SMTNL2: variants seen among roughly 807,000 people sequenced by gnomAD.
The protein encoded by SMTNL2 is smoothelin like 2.
Under a neutral mutation model 44.1 loss-of-function variants are expected in SMTNL2, and 43 were observed. The observed-to-expected ratio is 0.98, with a 90% confidence interval of 0.76 to 1.26. SMTNL2 has a LOEUF of 1.26. Ranked by LOEUF, SMTNL2 falls within the 50% of genes most tolerant of loss-of-function variation. The probability of loss-of-function intolerance (pLI) is 0.00; values close to 1 mark genes in which losing one functional copy is unlikely to be tolerated. For synonymous variants in SMTNL2, 317 were observed against 287.6 expected (o/e 1.10, Z -1.03); for missense variants, 646 against 670.2 (o/e 0.96, Z 0.40).
chr17:4,591,019 G>C (rs1909550633), intron 1 of SMTNL2, among the ~76,000 whole-genome samples: 1 of 152,180 alleles, frequency 6.6e-6, no homozygotes, highest in Admixed American at 6.5e-5. Flanking sequence ...CACTCTGCTG[G>C]GAGTGCCCTC....
At chr17:4,599,970 A>G (rs1011410210) in intron 7 of SMTNL2, among the ~76,000 whole-genome samples, 1 of 152,150 alleles carries the variant, frequency 6.6e-6, no homozygotes, top group African/African-American at 2.4e-5. Context: ...GGTCTGATGA[A>G]GCCGCTGAGA....
intron 4 of SMTNL2, among the ~76,000 whole-genome samples, chr17:4,594,390 A>G (rs1261429201): frequency 6.6e-6 from 1 of 152,198 alleles, no homozygotes; most frequent in Non-Finnish European, 1.5e-5. Flanking sequence ...CGGAGTTTGC[A>G]GTGAGCCAAG....
intron 7 of SMTNL2, among the ~76,000 whole-genome samples, chr17:4,604,645 T>A (rs181561529): frequency 5.0e-4 from 76 of 152,190 alleles, no homozygotes; most frequent in African/African-American, 1.8e-3. Flanking sequence ...ACAGGCCCAC[T>A]GGGAGGGACA....
At chr17:4,596,232 C>T (rs934278940) in intron 5 of SMTNL2, among the ~76,000 whole-genome samples, 2 of 152,032 alleles carry the variant, frequency 1.3e-5, no homozygotes, top group East Asian at 1.9e-4. Context: ...GTGGCCCAAG[C>T]GTGGTATTGA....
At chr17:4,604,034 G>A (rs758211583) in intron 7 of SMTNL2, among the ~76,000 whole-genome samples, 3 of 152,004 alleles carry the variant, frequency 2.0e-5, no homozygotes, top group African/African-American at 2.4e-5. Context: ...TAGTAGAGAC[G>A]GGGTTTCACC....
In SMTNL2 at chr17:4,592,301, T is replaced by C; in HGVS notation, c.400-60T>C. The C allele has an allele frequency of 6.5e-7, 1 of 1,540,266 alleles. No individual in the cohort carries two copies. The highest frequency in any genetic ancestry group is 8.9e-7 in the Non-Finnish European group (1 of 1,120,788). On this transcript the variant is annotated intron_variant, in intron 1 of 7. Transcript: ENST00000389313. This position sits in a 1 kb window ranked among gnomAD's most constrained non-coding sequence, Gnocchi z 4.5. ...GGAGGGGATTTGGGGGTGGGCAGCT[T>C]TTGGGGGTGGGCAGCTGGCCCTAGC...
intron 7 of SMTNL2, among the ~76,000 whole-genome samples, chr17:4,605,653 G>T (rs758253895): frequency 3.9e-5 from 6 of 152,144 alleles, no homozygotes; most frequent in Non-Finnish European, 7.3e-5. Flanking sequence ...TTTCAACCCT[G>T]ACAGCCATGC....
chr17:4,586,510 CAAAGAGAGAGAG>C (rs1909351302), intron 1 of SMTNL2, among the ~76,000 whole-genome samples: 1 of 34,198 alleles, frequency 2.9e-5, no homozygotes, highest in African/African-American at 8.2e-5. Flanking sequence ...TGTGTACACA[CAAAGAGAGAGAG>C]AGAGAGAGAG....
At chr17:4,597,876 G>A (rs551452501) in intron 7 of SMTNL2, among the ~76,000 whole-genome samples, 1 of 152,306 alleles carries the variant, frequency 6.6e-6, no homozygotes, top group East Asian at 1.9e-4. Flanking sequence ...TGGCTCTGGG[G>A]TCAGGAGGCA....
chr17:4,605,311 C>T (rs1405790288), intron 7 of SMTNL2, among the ~76,000 whole-genome samples: 3 of 151,852 alleles, frequency 2.0e-5, no homozygotes, highest in Admixed American at 6.6e-5. Flanking sequence ...AGGTGCACAC[C>T]ACCATGCCTG....
At position 4,592,321 on chromosome 17, in the gene SMTNL2, C is replaced by T. The variant is rs745476030; in HGVS notation, c.400-40C>T. On this transcript the variant is annotated intron_variant, in intron 1 of 7. Coordinates refer to ENST00000389313, the MANE Select transcript of SMTNL2 (RefSeq NM_001114974.2). This position sits in a 1 kb window ranked among gnomAD's most constrained non-coding sequence, Gnocchi z 4.5. ...CAGCTTTTGGGGGTGGGCAGCTGGC[C>T]CTAGCTGATGGGGTCTCGGTGACAT... 6.2e-7 allele frequency: 1 copy of T among 1,601,626 alleles called. No homozygotes were observed. Among genetic ancestry groups the T allele is most frequent in the Admixed American group, 1.7e-5 (1 of 59,950 alleles).
chr17:4,593,234 G>A (rs1180675352), intron 3 of SMTNL2, 63 bp downstream of exon 3: 1 of 1,514,112 alleles, frequency 6.6e-7, no homozygotes, highest in Non-Finnish European at 8.8e-7. Flanking sequence ...GGGAAGGCCG[G>A]GGCTGGGGAG....
At position 4,584,800 on chromosome 17, in the gene SMTNL2, G is replaced by T. The variant is rs1233862532; in HGVS notation, c.195G>T (p.Arg65=). 1.5e-6 allele frequency: 2 copies of T among 1,324,754 alleles called. No homozygotes were observed. The highest frequency in any genetic ancestry group is 2.8e-4 in the Middle Eastern group (1 of 3,560). 82.1% of individuals were successfully genotyped at this position (1,324,754 alleles called of 1,614,324 possible). A position where few individuals can be genotyped will look rare whatever the true frequency, so the allele number is the denominator to read the frequency against. Reference sequence around the variant, plus strand: ...CGCGCACGGTGGCCGACCTGCAGCGGGACAACCAGCGGCTGCAGGCGCAGC... The same window carrying T: ...CGCGCACGGTGGCCGACCTGCAGCGTGACAACCAGCGGCTGCAGGCGCAGC... ...PLARTVADLQ[R]DNQRLQAQLE... Residue 65 remains arginine (R), a synonymous_variant, in exon 1 of 8, where the codon CGG becomes CGT. Coordinates refer to ENST00000389313, the MANE Select transcript of SMTNL2 (RefSeq NM_001114974.2).
chr17:4,594,338 A>G (rs192544664), intron 4 of SMTNL2, among the ~76,000 whole-genome samples: 162 of 152,170 alleles, frequency 1.1e-3, no homozygotes, highest in Middle Eastern at 3.4e-3. Flanking sequence ...AATCCCAGCT[A>G]CTTGGGACGC....
rs2150523751 is a variant in SMTNL2 at position 4,598,405 on chromosome 17, C to T, written c.1259+1082C>T. On this transcript the variant is annotated intron_variant, in intron 7 of 7. Coordinates refer to ENST00000389313, the MANE Select transcript of SMTNL2 (RefSeq NM_001114974.2). The surrounding 1 kb of genome is among the most constrained non-coding windows in gnomAD (Gnocchi z 4.8). ...AGAGAAGTAAGGCCGTCCCCAAAGC[C>T]GAGTCTTCTGGAGGGCGCGTTTGTT... Among the ~76,000 whole-genome samples the T allele has an allele frequency of 6.6e-6, 1 of 152,286 alleles. No homozygotes were observed. Among genetic ancestry groups the T allele is most frequent in the Non-Finnish European group, 1.5e-5 (1 of 68,008 alleles).
intron 7 of SMTNL2, among the ~76,000 whole-genome samples, chr17:4,603,621 C>T (rs1208013947): frequency 2.0e-5 from 3 of 151,954 alleles, no homozygotes; most frequent in Non-Finnish European, 4.4e-5. Flanking sequence ...CTCATGCTGT[C>T]CCTACTTAAC....
At position 4,598,697 on chromosome 17, in the gene SMTNL2, G is replaced by A. The variant is rs897006060; in HGVS notation, c.1259+1374G>A. 1.2e-4 allele frequency among the ~76,000 whole-genome samples: 18 copies of A among 152,142 alleles called. No individual in the cohort carries two copies. The highest frequency in any genetic ancestry group is 2.9e-4 in the African/African-American group (12 of 41,434). On this transcript the variant is annotated intron_variant, in intron 7 of 7. Transcript: ENST00000389313. This position sits in a 1 kb window ranked among gnomAD's most constrained non-coding sequence, Gnocchi z 4.8. ...AAATTAGCCAGGCATGGTGGCAGGC[G>A]CCTGGAGTCCCAGCTACTCAGGAGG...
intron 1 of SMTNL2, among the ~76,000 whole-genome samples, chr17:4,588,493 C>T (rs552284022): frequency 3.3e-4 from 51 of 152,300 alleles, no homozygotes; most frequent in Non-Finnish European, 4.4e-4. Context: ...ATTTCTGCCC[C>T]GGTCCCAGCA....
intron 1 of SMTNL2, among the ~76,000 whole-genome samples, chr17:4,588,329 C>T (rs1209067839): frequency 6.6e-6 from 1 of 152,220 alleles, no homozygotes; most frequent in Non-Finnish European, 1.5e-5. Flanking sequence ...ATCAGACTTA[C>T]CTCATCACCC....
Sources: allele counts gnomAD v4.1 joint callset (sites outside exome capture counted in the v4.1 genomes callset), GRCh38; gene constraint gnomAD v4.1.1; non-coding constraint Gnocchi (gnomAD v3.1); transcripts MANE v1.5; gene names NCBI Gene and HGNC (gene_info 2026-07-23, HGNC 2026-07-21).